RXRB: variants seen among roughly 807,000 people sequenced by gnomAD.
RXRB encodes the protein retinoic acid receptor RXR-beta.
In RXRB, 18 loss-of-function variants were observed where a neutral mutation model predicts 52.5. The ratio of observed to expected loss-of-function variants is 0.34; its 90% confidence interval spans 0.24 to 0.51. RXRB has a LOEUF of 0.51. Ranked by LOEUF, RXRB falls within the 20% of genes least tolerant of loss-of-function variation. The pLI, the probability that RXRB is intolerant of heterozygous loss-of-function variation, is 0.97. For synonymous variants in RXRB, 233 were observed against 267.1 expected (o/e 0.87, Z 1.25); for missense variants, 455 against 698.2 (o/e 0.65, Z 3.92).
Position 33,200,156 on chromosome 6 carries a change from G to A in RXRB, c.235+86C>T. The stretch of plus-strand genomic sequence containing the variant: ...TACAAACAAGGGGGCGGGAGCGCAA[G>A]GAAAAGAGCACCGGGGGAGGGTGTG... On this transcript the variant is annotated intron_variant, in intron 1 of 9. Coordinates refer to ENST00000374680, the MANE Select transcript of RXRB (RefSeq NM_021976.5). This position sits in a 1 kb window ranked among gnomAD's most constrained non-coding sequence, Gnocchi z 6.3. The A allele has an allele frequency of 1.3e-6, 2 of 1,543,568 alleles. No homozygotes were observed. Among genetic ancestry groups the A allele is most frequent in the Admixed American group, 3.4e-5 (2 of 58,428 alleles).
In RXRB at chr6:33,194,605, C is replaced by A. The variant is rs945013828; in HGVS notation, c.*77G>T. On this transcript the variant is annotated 3_prime_UTR_variant, in exon 10 of 10. Coordinates refer to ENST00000374680, the MANE Select transcript of RXRB (RefSeq NM_021976.5). This position sits in a 1 kb window ranked among gnomAD's most constrained non-coding sequence, Gnocchi z 4.1. Reference sequence around the variant, plus strand: ...TCAAGGTTCTGGGAACATGGCCCCCCACCCTGCCCCAGGGCTTGGAGTCCC... The same window carrying A: ...TCAAGGTTCTGGGAACATGGCCCCCAACCCTGCCCCAGGGCTTGGAGTCCC... 1.7e-5 allele frequency: 25 copies of A among 1,514,860 alleles called. No individual in the cohort carries two copies. Among genetic ancestry groups the A allele is most frequent in the East Asian group, 1.1e-4 (5 of 44,100 alleles). 93.8% of individuals were successfully genotyped at this position (1,514,860 alleles called of 1,614,324 possible). A position where few individuals can be genotyped will look rare whatever the true frequency, so the allele number is the denominator to read the frequency against.
chr6:33,194,499 G>A lies in RXRB; in HGVS notation c.*183C>T. ...AGACAACCAGTCCTCACAGGTATCT[G>A]GGGTCCCTTCCAACTTGGGATATCA... is the stretch of plus-strand genomic sequence containing the variant. On this transcript the variant is annotated 3_prime_UTR_variant, in exon 10 of 10. Transcript: ENST00000374680. This position sits in a 1 kb window ranked among gnomAD's most constrained non-coding sequence, Gnocchi z 4.1. The A allele has an allele frequency of 1.7e-6, 1 of 596,642 alleles. No homozygotes were observed. The highest frequency in any genetic ancestry group is 2.5e-5 in the South Asian group (1 of 39,446). 37.0% of individuals were successfully genotyped at this position (596,642 alleles called of 1,614,324 possible).
Position 33,200,084 on chromosome 6 carries a change from C to T in RXRB, c.235+158G>A. ...GGAAGCTCCCCTTCCCCGCCCCGCC[C>T]CGGGGGGGAGGGTGCTAAGGCCCTC... is the stretch of plus-strand genomic sequence containing the variant. On this transcript the variant is annotated intron_variant, in intron 1 of 9. Coordinates refer to ENST00000374680, the MANE Select transcript of RXRB (RefSeq NM_021976.5). The surrounding 1 kb of genome is among the most constrained non-coding windows in gnomAD (Gnocchi z 6.3). The T allele has an allele frequency of 9.0e-7, 1 of 1,109,742 alleles. No individual in the cohort carries two copies. Among genetic ancestry groups the T allele is most frequent in the Non-Finnish European group, 1.4e-6 (1 of 733,602 alleles). 68.7% of individuals were successfully genotyped at this position (1,109,742 alleles called of 1,614,324 possible).
rs780384299 is a variant in RXRB, at chr6:33,199,908, G to A, written c.235+334C>T. 10 of 685,084 alleles carry A rather than the reference G, an allele frequency of 1.5e-5. 1 individual carries two copies. Among genetic ancestry groups the A allele is most frequent in the South Asian group, 1.4e-4 (10 of 73,076 alleles). The allele number at this position is 685,084 out of a possible 1,614,324, so 42.4% of individuals were successfully genotyped here. A position where few individuals can be genotyped will look rare whatever the true frequency, so the allele number is the denominator to read the frequency against. On this transcript the variant is annotated intron_variant, in intron 1 of 9. Transcript: ENST00000374680. ...GCGTAAAGCCAGGTAGCCAGAGCGT[G>A]CAAGGGAAAGAGACAGGCAGGAGAG...
Position 33,200,342 on chromosome 6 carries a change from G to T in RXRB, c.135C>A (p.Pro45=). ...CCACCGCCGCCGCCGCCGCCGCTGC[G>T]GGATCCAGCCAGGGCCGTCGCCGCC... The part of the protein sequence containing the change: ...RWRRRRPWLD[P]AAAAAAAVAG... Residue 45 remains proline (P), a synonymous_variant, in exon 1 of 10, where the codon CCC becomes CCA. Coordinates refer to ENST00000374680, the MANE Select transcript of RXRB (RefSeq NM_021976.5). This position sits in a 1 kb window ranked among gnomAD's most constrained non-coding sequence, Gnocchi z 6.3. 1 of 1,582,400 alleles carries T rather than the reference G, an allele frequency of 6.3e-7. No individual in the cohort carries two copies. Among genetic ancestry groups the T allele is most frequent in the East Asian group, 2.3e-5 (1 of 43,220 alleles).
At chr6:33,198,602 T>C (rs1055368764) in intron 2 of RXRB, 138 bp from the exon 3 acceptor site, 3 of 854,976 alleles carry the variant, frequency 3.5e-6, no homozygotes, top group Non-Finnish European at 5.9e-6. Flanking sequence ...CACTGCAGTC[T>C]ATGTGAAAGG....
rs749247090 is a variant in RXRB at position 33,198,541 on chromosome 6, C to T, written c.484-77G>A. 5.1e-6 allele frequency: 7 copies of T among 1,375,058 alleles called. No individual in the cohort carries two copies. In the East Asian group the frequency reaches 1.6e-4, roughly 31 times the overall value. 85.2% of individuals were successfully genotyped at this position (1,375,058 alleles called of 1,614,324 possible). On this transcript the variant is annotated intron_variant, in intron 2 of 9. Transcript: ENST00000374680. ...TGTCACAGAAGTGATGGAAATCATT[C>T]CCTACCACTAAGCAAGGCCCTGCAA...
In RXRB at chr6:33,194,961, G is replaced by A; in HGVS notation, c.1438C>T (p.Pro480Ser). The A allele has an allele frequency of 1.9e-6, 3 of 1,612,682 alleles. No individual in the cohort carries two copies. Among genetic ancestry groups the A allele is most frequent in the Non-Finnish European group, 2.5e-6 (3 of 1,179,858 alleles). ...CCATCTCACCGTCCCTGCTGCTCAG[G>A]GTACTTCTGTTTGCAGTAGGTCTCC... ...SLETYCKQKY[P>S]EQQGRFAKLL... Residue 480 changes from proline (P) to serine (S), a missense_variant, in exon 9 of 10, where the codon CCT becomes TCT. Around this residue, in one of 4 missense-constraint regions of RXRB, gnomAD observed 115 missense variants for 253.1 expected, o/e 0.45. Transcript: ENST00000374680. The surrounding 1 kb of genome is among the most constrained non-coding windows in gnomAD (Gnocchi z 4.1).
Position 33,195,325 on chromosome 6 carries a change from G to T in RXRB, c.1348+38C>A. On this transcript the variant is annotated intron_variant, in intron 8 of 9. Transcript: ENST00000374680. This position sits in a 1 kb window ranked among gnomAD's most constrained non-coding sequence, Gnocchi z 8.6. The stretch of plus-strand genomic sequence containing the variant: ...TCGGAGAAGAGGAGGCTCCAAGGTT[G>T]CCTTGGCCTTGAGAGACAAAGGTAA... The T allele has an allele frequency of 7.7e-7, 1 of 1,302,864 alleles. No homozygotes were observed. The highest frequency in any genetic ancestry group is 1.1e-6 in the Non-Finnish European group (1 of 896,902). The allele number at this position is 1,302,864 out of a possible 1,614,324, so 80.7% of individuals were successfully genotyped here.
Position 33,196,358 on chromosome 6 carries a change from A to G in RXRB, c.993+76T>C. 3 of 1,381,542 alleles carry G rather than the reference A, an allele frequency of 2.2e-6. No homozygotes were observed. The highest frequency in any genetic ancestry group is 3.1e-6 in the Non-Finnish European group (3 of 969,826). The allele number at this position is 1,381,542 out of a possible 1,614,324, so 85.6% of individuals were successfully genotyped here. ...AAGGTTATGAGGGGAAAGGAGGGGG[A>G]GGGGATGTAGAACAGACCTAGACTG... On this transcript the variant is annotated intron_variant, in intron 5 of 9. Transcript: ENST00000374680. This position sits in a 1 kb window ranked among gnomAD's most constrained non-coding sequence, Gnocchi z 4.0.
rs1774437082 is a variant in RXRB at position 33,200,576 on chromosome 6, T to C, written c.-100A>G. On this transcript the variant is annotated 5_prime_UTR_variant, in exon 1 of 10. Transcript: ENST00000374680. This position sits in a 1 kb window ranked among gnomAD's most constrained non-coding sequence, Gnocchi z 6.3. ...ACGAGGAAGCCCCTGAGAGAAAGAC[T>C]CTGGCCTGGATTGGGTCGAATTAAG... 1 of 1,491,324 alleles carries C rather than the reference T, an allele frequency of 6.7e-7. No individual in the cohort carries two copies. The highest frequency in any genetic ancestry group is 1.4e-5 in the African/African-American group (1 of 72,000). 92.4% of individuals were successfully genotyped at this position (1,491,324 alleles called of 1,614,324 possible).
chr6:33,194,105 CA>C lies in RXRB; in HGVS notation c.*576del, dbSNP rs1773668861. 1 of 152,420 alleles carries C rather than the reference CA, an allele frequency of 6.6e-6. No individual in the cohort carries two copies. Among genetic ancestry groups the C allele is most frequent in the Non-Finnish European group, 1.5e-5 (1 of 68,206 alleles). 9.4% of individuals were successfully genotyped at this position (152,420 alleles called of 1,614,324 possible). ...ACATCTCCACCAGCCCCTTCACCAC[CA>C]CCACCACCTTTTTTATATTTCAGTC... On this transcript the variant is annotated 3_prime_UTR_variant, in exon 10 of 10. Transcript: ENST00000374680. The surrounding 1 kb of genome is among the most constrained non-coding windows in gnomAD (Gnocchi z 4.1).
Position 33,196,679 on chromosome 6 carries a change from A to ATGAGGC in RXRB, c.821-74_821-73insGCCTCA. 7.5e-7 allele frequency: 1 copy of ATGAGGC among 1,327,722 alleles called. No individual in the cohort carries two copies. Among genetic ancestry groups the ATGAGGC allele is most frequent in the Non-Finnish European group, 1.0e-6 (1 of 958,892 alleles). 82.2% of individuals were successfully genotyped at this position (1,327,722 alleles called of 1,614,324 possible). ...ATGAAGGGGTTCCACAAATATCCTT[A>ATGAGGC]CGGCCTCATCAGGATCTCATGGCCC... is the stretch of plus-strand genomic sequence containing the variant. On this transcript the variant is annotated intron_variant, in intron 4 of 9. Coordinates refer to ENST00000374680, the MANE Select transcript of RXRB (RefSeq NM_021976.5). The surrounding 1 kb of genome is among the most constrained non-coding windows in gnomAD (Gnocchi z 4.0).
rs774044846 is a variant in RXRB, at chr6:33,196,518, C to G, written c.909G>C (p.Arg303Ser). Residue 303 changes from arginine to serine, a missense_variant, in exon 5 of 10, where the codon AGG becomes AGC. Transcript: ENST00000374680. This position sits in a 1 kb window ranked among gnomAD's most constrained non-coding sequence, Gnocchi z 4.0. ...GGAPEEMPVD[R>S]ILEAELAVEQ... ...CCACAGCAAGCTCTGCCTCCAGGAT[C>G]CTGTCCACAGGCATCTCCTCGGGGG... 2.5e-6 allele frequency: 4 copies of G among 1,612,916 alleles called. No individual in the cohort carries two copies. Among genetic ancestry groups the G allele is most frequent in the Non-Finnish European group, 3.4e-6 (4 of 1,179,986 alleles).
Position 33,200,218 on chromosome 6 carries a change from C to T in RXRB, c.235+24G>A, listed in dbSNP as rs752957023. On this transcript the variant is annotated intron_variant, in intron 1 of 9. Transcript: ENST00000374680. The surrounding 1 kb of genome is among the most constrained non-coding windows in gnomAD (Gnocchi z 6.3). ...GCAGATAAAGCGGTCACTGGCTCGC[C>T]TGCCCTTCTGCTGGGGCACTCACCC... 11 of 1,602,580 alleles carry T rather than the reference C, an allele frequency of 6.9e-6. No individual in the cohort carries two copies. Among genetic ancestry groups the T allele is most frequent in the Non-Finnish European group, 9.4e-6 (11 of 1,175,652 alleles).
At position 33,196,288 on chromosome 6, in the gene RXRB, G is replaced by T. The variant is rs1773888103; in HGVS notation, c.993+146C>A. The T allele has an allele frequency of 9.9e-7, 1 of 1,008,432 alleles. No homozygotes were observed. Among genetic ancestry groups the T allele is most frequent in the Non-Finnish European group, 1.6e-6 (1 of 638,470 alleles). 62.5% of individuals were successfully genotyped at this position (1,008,432 alleles called of 1,614,324 possible). A position where few individuals can be genotyped will look rare whatever the true frequency, so the allele number is the denominator to read the frequency against. ...GCTATCACATCCACCTCAGATGTTT[G>T]AAAGACCTTGTTTGGCAGCACCTCC... On this transcript the variant is annotated intron_variant, in intron 5 of 9. Transcript: ENST00000374680. This position sits in a 1 kb window ranked among gnomAD's most constrained non-coding sequence, Gnocchi z 4.0.
In RXRB at chr6:33,197,818, T is replaced by C; in HGVS notation, c.764A>G (p.Asn255Ser). ...CTGATAGCGGCAGTACTGACAGCGG[T>C]TCCGCTGGCGCTTGTCCACTGTGCA... ...KDCTVDKRQR[N>S]RCQYCRYQKC... The change falls in exon 4 of 10, where the codon AAC becomes AGC. Residue 255 changes from asparagine (N) to serine (S), a missense_variant. By Grantham distance (46) the Asn-to-Ser change is conservative. Transcript: ENST00000374680. The surrounding 1 kb of genome is among the most constrained non-coding windows in gnomAD (Gnocchi z 4.4). 1 of 1,613,974 alleles carries C rather than the reference T, an allele frequency of 6.2e-7. No individual in the cohort carries two copies. Among genetic ancestry groups the C allele is most frequent in the South Asian group, 1.1e-5 (1 of 91,090 alleles).
chr6:33,197,639 GAAATC>G lies in RXRB; in HGVS notation c.820+118_820+122del. ...GGGAGGAGAGCTGCGAAGGGAGAGA[GAAATC>G]AAATATCGCCCTCTAGAGGAGAGAG... On this transcript the variant is annotated intron_variant, in intron 4 of 9. Coordinates refer to ENST00000374680, the MANE Select transcript of RXRB (RefSeq NM_021976.5). The surrounding 1 kb of genome is among the most constrained non-coding windows in gnomAD (Gnocchi z 4.4). 2.3e-6 allele frequency: 2 copies of G among 878,988 alleles called. No individual in the cohort carries two copies. The highest frequency in any genetic ancestry group is 3.4e-6 in the Non-Finnish European group (2 of 580,284). The allele number at this position is 878,988 out of a possible 1,614,324, so 54.4% of individuals were successfully genotyped here. A position where few individuals can be genotyped will look rare whatever the true frequency, so the allele number is the denominator to read the frequency against.
Position 33,197,667 on chromosome 6 carries a change from G to A in RXRB, c.820+95C>T, listed in dbSNP as rs142149197. The A allele has an allele frequency of 2.0e-5, 23 of 1,141,508 alleles. No homozygotes were observed. Among genetic ancestry groups the A allele is most frequent in the Non-Finnish European group, 2.8e-5 (22 of 792,558 alleles). 70.7% of individuals were successfully genotyped at this position (1,141,508 alleles called of 1,614,324 possible). A position where few individuals can be genotyped will look rare whatever the true frequency, so the allele number is the denominator to read the frequency against. On this transcript the variant is annotated intron_variant, in intron 4 of 9. Transcript: ENST00000374680. The surrounding 1 kb of genome is among the most constrained non-coding windows in gnomAD (Gnocchi z 4.4). ...ATCAAATATCGCCCTCTAGAGGAGA[G>A]AGAGCAGTCCACCCTTCCAGAGAGG... is the stretch of plus-strand genomic sequence containing the variant.
Sources: allele counts gnomAD v4.1 joint callset, GRCh38; gene constraint gnomAD v4.1.1; regional missense constraint gnomAD v4.1.1; non-coding constraint Gnocchi (gnomAD v3.1); transcripts MANE v1.5; gene names NCBI Gene and HGNC (gene_info 2026-07-23, HGNC 2026-07-21).